Variants in CDC123 observed in about 807,000 individuals in gnomAD.
The protein encoded by CDC123 is cell division cycle 123, also known as translation initiation factor eIF2 assembly protein.
Under a neutral mutation model 54.4 loss-of-function variants are expected in CDC123, and 37 were observed. The observed-to-expected ratio is 0.68, with a 90% confidence interval of 0.52 to 0.89. The LOEUF is 0.89. Ranked by LOEUF, CDC123 falls within the 40% of genes least tolerant of loss-of-function variation. CDC123 has a pLI of 0.00. For synonymous variants in CDC123, 144 were observed against 136.8 expected, an observed-to-expected ratio of 1.05 and a Z score of -0.37; for missense variants, 361 against 412.1, an observed-to-expected ratio of 0.88 and a Z score of 1.07.
chr10:12,248,117 C>A lies in CDC123; in HGVS notation c.847-1464C>A, dbSNP rs75157426. 4.9e-3 allele frequency among the ~76,000 whole-genome samples: 748 copies of A among 152,294 alleles called. 26 individuals carry two copies. The East Asian group carries it at 0.076, about 15-fold the overall frequency. On this transcript the variant is annotated intron_variant, in intron 11 of 12. Coordinates refer to ENST00000281141, the MANE Select transcript of CDC123 (RefSeq NM_006023.3). The stretch of plus-strand genomic sequence containing the variant: ...TACATAACGTGCATTTAAACACATG[C>A]ATAGACCTTTGTAAATAAATGAAAT...
chr10:12,236,213 T>C (rs1835974985), intron 8 of CDC123, among the ~76,000 whole-genome samples: 1 of 152,208 alleles, frequency 6.6e-6, no homozygotes, highest in African/African-American at 2.4e-5. Context: ...AGCAGTTGAT[T>C]ATGTGTGCAG....
At chr10:12,219,830 G>C (rs1167093089) in intron 6 of CDC123, among the ~76,000 whole-genome samples, 1 of 152,006 alleles carries the variant, frequency 6.6e-6, no homozygotes, top group Non-Finnish European at 1.5e-5. Context: ...GATTACAGGC[G>C]CATGGCTACC....
intron 10 of CDC123, among the ~76,000 whole-genome samples, chr10:12,238,985 G>T (rs1433052928): frequency 6.6e-6 from 1 of 151,708 alleles, no homozygotes; most frequent in Non-Finnish European, 1.5e-5. Flanking sequence ...GCGAGACTCT[G>T]CCTCAAAAGA....
intron 2 of CDC123, among the ~76,000 whole-genome samples, chr10:12,199,843 G>T (rs1423095010): frequency 6.6e-6 from 1 of 152,008 alleles, no homozygotes; most frequent in East Asian, 1.9e-4. Flanking sequence ...TTTCTTTTGA[G>T]ACAGAGTCTC....
chr10:12,230,166 C>A (rs76824795), intron 6 of CDC123, among the ~76,000 whole-genome samples: 1 of 150,720 alleles, frequency 6.6e-6, no homozygotes, highest in African/African-American at 2.4e-5. Context: ...TATATTCATG[C>A]GGTACATAAG....
chr10:12,231,625 CAAAAAAA>C (rs368800002), intron 7 of CDC123, among the ~76,000 whole-genome samples: 3,255 of 77,296 alleles, frequency 0.042, 141 homozygotes, highest in African/African-American at 0.15. Flanking sequence ...AACTCCGTCT[CAAAAAAA>C]AAAAAAAAAA....
At position 12,249,625 on chromosome 10, in the gene CDC123, G is replaced by C; in HGVS notation, c.891G>C (p.Gln297His). The C allele has an allele frequency of 6.2e-7, 1 of 1,614,148 alleles. No individual in the cohort carries two copies. Among genetic ancestry groups the C allele is most frequent in the Non-Finnish European group, 8.5e-7 (1 of 1,180,018 alleles). ...GCACAAACAGTGAAGTGACAGTCCA[G>C]CCCAGCCCCTATTTGAGTTACCGGC... ...FRCTNSEVTV[Q>H]PSPYLSYRLP... is the part of the protein sequence containing the mutation. The change falls in exon 12 of 13, where the codon CAG (glutamine) becomes CAC (histidine). Residue 297 changes from glutamine to histidine, a missense_variant. Physicochemically the swap from Gln to His is conservative, Grantham distance 24. Coordinates refer to ENST00000281141, the MANE Select transcript of CDC123 (RefSeq NM_006023.3).
intron 7 of CDC123, 111 bp from the exon 8 acceptor site, chr10:12,234,937 T>G (rs897083943): frequency 3.9e-6 from 3 of 764,250 alleles, no homozygotes; most frequent in African/African-American, 1.7e-5. Flanking sequence ...GCCTCTTTTT[T>G]TAAAACCATT....
chr10:12,215,619 G>A (rs753795787), intron 4 of CDC123, 121 bp from the exon 5 acceptor site: 3 of 461,228 alleles, frequency 6.5e-6, no homozygotes, highest in Non-Finnish European at 1.2e-5. Context: ...AATTCTGATA[G>A]TAATTTGTAT....
At chr10:12,196,657 C>A (rs1278826649) in intron 1 of CDC123, among the ~76,000 whole-genome samples, 1 of 152,118 alleles carries the variant, frequency 6.6e-6, no homozygotes. Context: ...TTGCTTTTCG[C>A]CATCACCCCA....
rs1417388405 is a variant in CDC123, at chr10:12,230,952, A to G, written c.445A>G (p.Ile149Val). 2.5e-6 allele frequency: 4 copies of G among 1,611,962 alleles called. No individual in the cohort carries two copies. The highest frequency in any genetic ancestry group is 1.1e-5 in the South Asian group (1 of 90,446). ...CCTTTTCTTCTTCTTCCAAAGGTTT[A>G]TTCATTGTACTGATGATTCTCCAGA... is the stretch of plus-strand genomic sequence containing the variant. ...FITRDFTQPFIHCTDDSPDPC... is the reference protein window; with the variant it reads ...FITRDFTQPFVHCTDDSPDPC... Residue 149 changes from isoleucine to valine, a missense_variant, in exon 7 of 13, where the codon ATT (isoleucine) becomes GTT (valine). Coordinates refer to ENST00000281141, the MANE Select transcript of CDC123 (RefSeq NM_006023.3).
chr10:12,216,226 T>G (rs1027100336), intron 5 of CDC123, among the ~76,000 whole-genome samples: 8 of 152,250 alleles, frequency 5.3e-5, no homozygotes, highest in African/African-American at 1.9e-4. Context: ...AGAAGTCAAC[T>G]GATCTTTTCT....
At chr10:12,209,925 C>G in intron 2 of CDC123, 42 bp from the exon 3 acceptor site, 1 of 1,600,338 alleles carries the variant, frequency 6.2e-7, no homozygotes, top group African/African-American at 1.3e-5. Flanking sequence ...CATGCGGTGC[C>G]CAAGTCCTTT....
chr10:12,223,832 C>T (rs1835769249), intron 6 of CDC123, among the ~76,000 whole-genome samples: 1 of 151,964 alleles, frequency 6.6e-6, no homozygotes, highest in South Asian at 2.1e-4. Context: ...AATTATCTGT[C>T]ATTGACGTAC....
chr10:12,250,382 C>G lies in CDC123; in HGVS notation c.*45C>G, dbSNP rs370421444. ...GAAGAGGAGGCCCCGCCCCACCGCT[C>G]CGGGAGCTGCTCATCAGCCGCAACT... is the stretch of plus-strand genomic sequence containing the variant. On this transcript the variant is annotated 3_prime_UTR_variant, in exon 13 of 13. Transcript: ENST00000281141. The G allele has an allele frequency of 8.7e-6, 13 of 1,499,062 alleles. No individual in the cohort carries two copies. The highest frequency in any genetic ancestry group is 6.7e-5 in the Admixed American group (4 of 59,668). The allele number at this position is 1,499,062 out of a possible 1,614,324, so 92.9% of individuals were successfully genotyped here.
rs772124434 is a variant in CDC123 at position 12,217,415 on chromosome 10, A to G, written c.388A>G (p.Ile130Val). The G allele has an allele frequency of 6.2e-7, 1 of 1,614,090 alleles. No homozygotes were observed. Among genetic ancestry groups the G allele is most frequent in the South Asian group, 1.1e-5 (1 of 91,056 alleles). The change falls in exon 6 of 13, where the codon ATC (isoleucine) becomes GTC (valine). Residue 130 changes from isoleucine to valine, a missense_variant. Ile to Val is a conservative substitution (Grantham distance 29). Coordinates refer to ENST00000281141, the MANE Select transcript of CDC123 (RefSeq NM_006023.3). The part of the protein sequence containing the change: ...SSLKCKTLSD[I>V]FLLFKSSDFI... Reference sequence around the variant, plus strand: ...TCTGAAATGTAAAACCCTCAGCGACATCTTTCTGCTTTTCAAGAGTTCCGA... The same window carrying G: ...TCTGAAATGTAAAACCCTCAGCGACGTCTTTCTGCTTTTCAAGAGTTCCGA...
At chr10:12,222,593 A>G (rs1264725356) in intron 6 of CDC123, among the ~76,000 whole-genome samples, 1 of 152,228 alleles carries the variant, frequency 6.6e-6, no homozygotes, top group Non-Finnish European at 1.5e-5. Flanking sequence ...TTGTCACTTC[A>G]GTGGGCTGAG....
intron 10 of CDC123, among the ~76,000 whole-genome samples, chr10:12,241,191 A>C (rs1264391270): frequency 1.3e-5 from 2 of 152,060 alleles, no homozygotes; most frequent in Non-Finnish European, 2.9e-5. Context: ...TTATCTTTTC[A>C]TATATTTAAG....
chr10:12,229,095 C>G (rs995596245), intron 6 of CDC123, among the ~76,000 whole-genome samples: 2 of 152,090 alleles, frequency 1.3e-5, no homozygotes, highest in African/African-American at 4.8e-5. Context: ...CTCCCATTCC[C>G]TTAGTTAGAC....
Sources: allele counts gnomAD v4.1 joint callset (sites outside exome capture counted in the v4.1 genomes callset), GRCh38; gene constraint gnomAD v4.1.1; transcripts MANE v1.5; gene names NCBI Gene and HGNC (gene_info 2026-07-23, HGNC 2026-07-21).